Variants in AK6 observed in about 807,000 individuals in gnomAD.
The protein encoded by AK6 is adenylate kinase 6.
A neutral mutation model predicts 23.7 loss-of-function variants in AK6; 24 were observed. The observed-to-expected ratio is 1.01, with a 90% CI of 0.73 to 1.43. AK6 has a LOEUF of 1.43. AK6 is among the 40% of genes most tolerant of loss of function. AK6 has a pLI of 0.00. For missense variants in AK6, 191 were observed against 199.1 expected, an observed-to-expected ratio of 0.96 and a Z score of 0.24; for synonymous variants, 73 against 69.8, an observed-to-expected ratio of 1.05 and a Z score of -0.23.
Position 69,356,952 on chromosome 5 carries a change from G to C in AK6, c.122-999C>G, listed in dbSNP as rs550154845. ...TTCAAAAGAAGTATTCTTTCAGGAG[G>C]TAAGACATACCATCTTACCCTTAGC... On this transcript the variant is annotated intron_variant, in intron 2 of 4. Transcript: ENST00000380822. Among the ~76,000 whole-genome samples, 9 of 152,226 alleles carry C rather than the reference G, an allele frequency of 5.9e-5. No homozygotes were observed. In the East Asian group the frequency reaches 1.7e-3, roughly 29 times the overall value.
rs1380399703 is a variant in AK6 at position 69,363,788 on chromosome 5, GA to G, written c.121+2714del. 5.5e-3 allele frequency among the ~76,000 whole-genome samples: 698 copies of G among 126,796 alleles called. 3 individuals carry two copies. The highest frequency in any genetic ancestry group is 9.4e-3 in the African/African-American group (324 of 34,404). 83.2% of individuals were successfully genotyped at this position (126,796 alleles called of 152,430 possible). On this transcript the variant is annotated intron_variant, in intron 2 of 4. Coordinates refer to ENST00000380822, the MANE Select transcript of AK6 (RefSeq NM_016283.5). ...GACAGAGGGAGACTCCGTCTCAAAA[GA>G]AAAAAAAAAAAGGAAAGGCCAGGTG...
chr5:69,363,042 C>A (rs530296370), intron 2 of AK6, among the ~76,000 whole-genome samples: 3 of 152,202 alleles, frequency 2.0e-5, no homozygotes, highest in Non-Finnish European at 4.4e-5. Context: ...GCCTGGGGAA[C>A]AAAGCCAGAC....
intron 1 of AK6, chr5:69,368,704 C>T (rs1264503233): frequency 6.6e-6 from 1 of 152,164 alleles, no homozygotes; most frequent in Non-Finnish European, 1.5e-5. Context: ...AATCTACATG[C>T]ATTAGATTTT....
intron 4 of AK6, among the ~76,000 whole-genome samples, chr5:69,353,487 G>A (rs536250439): frequency 2.0e-5 from 3 of 151,926 alleles, no homozygotes; most frequent in South Asian, 2.1e-4. Flanking sequence ...TAGTAGAGAC[G>A]GGGTTTCACC....
rs1157298359 is a variant in AK6, at chr5:69,366,543, T to G, written c.81A>C (p.Ser27=). 2 of 1,614,106 alleles carry G rather than the reference T, an allele frequency of 1.2e-6. No homozygotes were observed. Among genetic ancestry groups the G allele is most frequent in the Non-Finnish European group, 1.7e-6 (2 of 1,180,016 alleles). Residue 27 remains serine (S), a synonymous_variant, in exon 2 of 5, where the codon TCA becomes TCC. Transcript: ENST00000380822. ...TTLGKELASK[S]GLKYINVGDL... ...CACCCACATTAATGTATTTCAGTCC[T>G]GATTTTGACGCAAGTTCTTTGCCTA...
intron 2 of AK6, among the ~76,000 whole-genome samples, chr5:69,366,225 A>AT (rs1561221289): frequency 6.6e-6 from 1 of 152,158 alleles, no homozygotes; most frequent in African/African-American, 2.4e-5. Context: ...CATTCTCCTT[A>AT]TTCACATTCT....
chr5:69,357,257 C>A (rs939776249), intron 2 of AK6, among the ~76,000 whole-genome samples: 6 of 152,224 alleles, frequency 3.9e-5, no homozygotes, highest in Admixed American at 2.0e-4. Flanking sequence ...AACCACCTTT[C>A]TAGCACTCTA....
At chr5:69,364,569 T>C (rs1005781760) in intron 2 of AK6, among the ~76,000 whole-genome samples, 2 of 152,226 alleles carry the variant, frequency 1.3e-5, no homozygotes, top group African/African-American at 4.8e-5. Context: ...AAGAGTGACG[T>C]ACACACCAGA....
upstream of AK6, chr5:69,369,698 G>A (rs1762795564): frequency 1.3e-6 from 2 of 1,552,848 alleles, no homozygotes; most frequent in South Asian, 2.4e-5. Flanking sequence ...GTTGGAGGGT[G>A]GGCATAACTC....
chr5:69,366,686 A>C (rs1762440670), intron 1 of AK6, 91 bp from the exon 2 acceptor site: 1 of 969,836 alleles, frequency 1.0e-6, no homozygotes, highest in African/African-American at 1.6e-5. Context: ...TTTTTGAGAC[A>C]GAGTCTCACC....
intron 2 of AK6, among the ~76,000 whole-genome samples, chr5:69,357,955 C>T (rs1455385864): frequency 6.6e-6 from 1 of 151,998 alleles, no homozygotes; most frequent in Non-Finnish European, 1.5e-5. Context: ...TTTAAAAATA[C>T]TATGTAGTAT....
chr5:69,359,537 G>A (rs187740321), intron 2 of AK6, among the ~76,000 whole-genome samples: 26 of 152,206 alleles, frequency 1.7e-4, no homozygotes, highest in Admixed American at 3.3e-4. Flanking sequence ...GAGCCACTGC[G>A]CCAGGCCCCA....
chr5:69,360,207 G>A (rs149396280), intron 2 of AK6, among the ~76,000 whole-genome samples: 1 of 152,252 alleles, frequency 6.6e-6, no homozygotes, highest in East Asian at 1.9e-4. Flanking sequence ...TGTAGAAGAG[G>A]GAAGAAAGAG....
chr5:69,360,177 C>G (rs1762192400), intron 2 of AK6, among the ~76,000 whole-genome samples: 1 of 152,142 alleles, frequency 6.6e-6, no homozygotes, highest in Non-Finnish European at 1.5e-5. Flanking sequence ...TCTCCTTCCC[C>G]ACTTTTAAGA....
At chr5:69,365,366 A>T (rs1762376526) in intron 2 of AK6, 1 of 1,614,200 alleles carries the variant, frequency 6.2e-7, no homozygotes, top group Non-Finnish European at 8.5e-7. Context: ...TATAGTTTGG[A>T]GCTGTTAAGC....
chr5:69,365,749 A>T (rs760806320), intron 2 of AK6: 86 of 1,521,534 alleles, frequency 5.7e-5, no homozygotes, highest in Non-Finnish European at 7.4e-5. Context: ...ATATCCGATG[A>T]TCAGACTTTA....
At chr5:69,366,461 A>C (rs1340490294) in intron 2 of AK6, 42 bp downstream of exon 2, 1 of 1,350,670 alleles carries the variant, frequency 7.4e-7, no homozygotes, top group South Asian at 1.3e-5. Flanking sequence ...ACCAGACCTT[A>C]AAAAAAAAAC....
At chr5:69,355,228 T>C (rs1431209626) in intron 4 of AK6, among the ~76,000 whole-genome samples, 3 of 152,182 alleles carry the variant, frequency 2.0e-5, no homozygotes, top group Non-Finnish European at 4.4e-5. Context: ...AAAGTAGTCA[T>C]ATTTTCAAAT....
At chr5:69,369,295 CCGCAA>C (rs1285736065) in intron 1 of AK6, 163 bp downstream of exon 1, 13 of 632,126 alleles carry the variant, frequency 2.1e-5, no homozygotes, top group Non-Finnish European at 3.2e-5. Context: ...CCCTCGCCTC[CCGCAA>C]CGCCCGCGAG....
Sources: gnomAD v4.1 joint callset for allele counts (sites outside exome capture counted in the v4.1 genomes callset) on GRCh38, gnomAD v4.1.1 for gene constraint, MANE v1.5 for transcripts, NCBI Gene and HGNC (gene_info 2026-07-23, HGNC 2026-07-21) for gene names.